The following GRID2 variants were observed in gnomAD, a reference collection of about 807,000 sequenced individuals.
GRID2 encodes the protein glutamate ionotropic receptor delta type subunit 2.
GRID2 carries 33 observed loss-of-function variants against 114.8 expected under a neutral mutation model. That is an observed-to-expected ratio of 0.29 (90% CI 0.22 to 0.38). The LOEUF is 0.38. Ranked by LOEUF, GRID2 falls within the 10% of genes least tolerant of loss-of-function variation. The pLI, the probability that GRID2 is intolerant of heterozygous loss-of-function variation, is 1.00. For missense variants in GRID2, 1,184 were observed against 1,257.7 expected, an observed-to-expected ratio of 0.94 and a Z score of 0.89; for synonymous variants, 505 against 449.9, an observed-to-expected ratio of 1.12 and a Z score of -1.55.
intron 2 of GRID2, among the ~76,000 whole-genome samples, chr4:92,615,107 C>A (rs948349363): frequency 6.6e-6 from 1 of 151,536 alleles, no homozygotes; most frequent in African/African-American, 2.4e-5. Flanking sequence ...AGTCCAAGAA[C>A]AATGTGCCAA....
chr4:92,917,833 G>A (rs1292597964), intron 2 of GRID2, among the ~76,000 whole-genome samples: 1 of 152,140 alleles, frequency 6.6e-6, no homozygotes, highest in African/African-American at 2.4e-5. Context: ...GGCAATTCAG[G>A]CTCTTTTTTG....
chr4:92,661,726 A>C (rs1052131457), intron 2 of GRID2, among the ~76,000 whole-genome samples: 2 of 150,984 alleles, frequency 1.3e-5, no homozygotes, highest in Non-Finnish European at 1.5e-5. Context: ...CTGTTGTCTT[A>C]ATGATGATGT....
chr4:93,376,790 A>G (rs978916110), intron 8 of GRID2, among the ~76,000 whole-genome samples: 10 of 152,162 alleles, frequency 6.6e-5, no homozygotes, highest in African/African-American at 2.2e-4. Flanking sequence ...GGACACAGAA[A>G]GGGGAACAAC....
chr4:92,441,154 A>G (rs1416794345), intron 1 of GRID2, among the ~76,000 whole-genome samples: 1 of 151,728 alleles, frequency 6.6e-6, no homozygotes, highest in African/African-American at 2.4e-5. Context: ...TGACCGCACT[A>G]ACCATGCCTA....
chr4:92,866,576 C>T (rs1578343106), intron 2 of GRID2, among the ~76,000 whole-genome samples: 1 of 151,704 alleles, frequency 6.6e-6, no homozygotes, highest in East Asian at 1.9e-4. Context: ...TGGAGGCTCA[C>T]TCTGTCACCC....
intron 8 of GRID2, among the ~76,000 whole-genome samples, chr4:93,321,577 T>C (rs1357617226): frequency 1.3e-5 from 2 of 152,112 alleles, no homozygotes; most frequent in Admixed American, 6.6e-5. Context: ...TCATTTTAGA[T>C]TCAGCCCTAT....
intron 5 of GRID2, 88 bp downstream of exon 5, chr4:93,207,545 C>T (rs1001255219): frequency 6.7e-5 from 54 of 800,388 alleles, no homozygotes; most frequent in Admixed American, 5.4e-4. Context: ...AATTTTTAAG[C>T]GGAAACAAAA....
Position 92,304,414 on chromosome 4 carries a change from C to T in GRID2, c.-243C>T, listed in dbSNP as rs763257024. ...AAAGCCAAACTGCAAACAACTCTGG[C>T]GATGCCAAAATTCCCCTCCAAGTGA... is the stretch of plus-strand genomic sequence containing the variant. On this transcript the variant is annotated 5_prime_UTR_variant, in exon 1 of 16. Transcript: ENST00000282020. The T allele has an allele frequency of 1.0e-5, 6 of 573,158 alleles. No homozygotes were observed. The highest frequency in any genetic ancestry group is 1.8e-5 in the Non-Finnish European group (6 of 325,014). The allele number at this position is 573,158 out of a possible 1,614,324, so 35.5% of individuals were successfully genotyped here. A position where few individuals can be genotyped will look rare whatever the true frequency, so the allele number is the denominator to read the frequency against.
At chr4:93,670,750 A>G (rs148145798) in intron 14 of GRID2, among the ~76,000 whole-genome samples, 15 of 152,274 alleles carry the variant, frequency 9.9e-5, no homozygotes, top group African/African-American at 3.6e-4. Context: ...TTTGTTAGTG[A>G]CATGGTTGTT....
intron 1 of GRID2, among the ~76,000 whole-genome samples, chr4:93,790,854 G>A (rs1052718145): frequency 1.3e-5 from 2 of 152,116 alleles, no homozygotes; most frequent in Non-Finnish European, 2.9e-5. Flanking sequence ...GAACGTCTCT[G>A]TGTTTCATTT....
rs1051579210 is a variant in GRID2, at chr4:92,410,190, G to A, written c.88+105446G>A. ...GCATCTTCTATCTGTCCTTGAACAC[G>A]CTTCAACTTCTTTGTGTAGTGGGGC... On this transcript the variant is annotated intron_variant, in intron 1 of 15. Coordinates refer to ENST00000282020, the MANE Select transcript of GRID2 (RefSeq NM_001510.4). 4.6e-5 allele frequency among the ~76,000 whole-genome samples: 7 copies of A among 152,160 alleles called. No homozygotes were observed. The East Asian group carries it at 1.2e-3, about 25-fold the overall frequency.
chr4:93,060,845 A>C (rs1727722087), intron 2 of GRID2, among the ~76,000 whole-genome samples: 1 of 152,132 alleles, frequency 6.6e-6, no homozygotes, highest in African/African-American at 2.4e-5. Flanking sequence ...GCTCCCACCT[A>C]TAATCCCATT....
intron 1 of GRID2, among the ~76,000 whole-genome samples, chr4:92,491,881 G>A (rs1198077960): frequency 9.9e-5 from 15 of 152,080 alleles, no homozygotes; most frequent in Non-Finnish European, 7.4e-5. Flanking sequence ...TGCATTAATA[G>A]TTGGATCAAA....
intron 13 of GRID2, among the ~76,000 whole-genome samples, chr4:93,526,495 T>A (rs111275347): frequency 6.6e-6 from 1 of 152,224 alleles, no homozygotes; most frequent in Non-Finnish European, 1.5e-5. Context: ...TAGCAGAGTA[T>A]ACATCTTTAT....
At chr4:93,101,293 G>A (rs1159068351) in intron 3 of GRID2, among the ~76,000 whole-genome samples, 1 of 151,814 alleles carries the variant, frequency 6.6e-6, no homozygotes, top group African/African-American at 2.4e-5. Flanking sequence ...TTTTCTTTTA[G>A]CTATTTTGAA....
At chr4:92,725,761 A>C (rs1284079066) in intron 2 of GRID2, among the ~76,000 whole-genome samples, 1 of 152,168 alleles carries the variant, frequency 6.6e-6, no homozygotes, top group Non-Finnish European at 1.5e-5. Flanking sequence ...GCTGTGCTCA[A>C]ATGCTGAAAG....
intron 1 of GRID2, among the ~76,000 whole-genome samples, chr4:92,468,894 A>G (rs1721885820): frequency 6.6e-6 from 1 of 152,134 alleles, no homozygotes; most frequent in East Asian, 1.9e-4. Context: ...AACTGAGGTC[A>G]GATGGAGGCC....
chr4:93,166,040 C>T (rs1328166543), intron 4 of GRID2: 1 of 152,074 alleles, frequency 6.6e-6, no homozygotes, highest in African/African-American at 2.4e-5. Context: ...TTATAAAATA[C>T]TAGTTGTATC....
At chr4:92,545,942 A>G (rs941948292) in intron 1 of GRID2, among the ~76,000 whole-genome samples, 4 of 152,280 alleles carry the variant, frequency 2.6e-5, no homozygotes, top group Admixed American at 6.5e-5. Flanking sequence ...TTTTTCCTCA[A>G]TGCAACTTTA....
Sources: allele counts gnomAD v4.1 joint callset (sites outside exome capture counted in the v4.1 genomes callset), GRCh38; gene constraint gnomAD v4.1.1; transcripts MANE v1.5; gene names NCBI Gene and HGNC (gene_info 2026-07-23, HGNC 2026-07-21).